MRS2: variants seen among roughly 807,000 people sequenced by gnomAD.
The protein encoded by MRS2 is magnesium transporter MRS2 homolog, mitochondrial.
In MRS2, 40 loss-of-function variants were observed where a neutral mutation model predicts 52.6. The ratio of observed to expected loss-of-function variants is 0.76; its 90% CI spans 0.59 to 0.99. The LOEUF is 0.99. Among genes scored for constraint, MRS2 ranks in the 50% least tolerant of loss-of-function variants. The pLI is 0.00. For synonymous variants in MRS2, 193 were observed against 195.9 expected, an observed-to-expected ratio of 0.98 and a Z score of 0.13; for missense variants, 472 against 532.7, an observed-to-expected ratio of 0.89 and a Z score of 1.12.
Position 24,403,315 on chromosome 6 carries a change from G to C in MRS2, c.190+79G>C, listed in dbSNP as rs1025076625. On this transcript the variant is annotated intron_variant, in intron 1 of 10. Transcript: ENST00000378386. ...GACTGCTGCCCCAGCCGTCCGGCGC[G>C]GCGCGCCTGTTGCTCCGCGCCCTCC... is the stretch of plus-strand genomic sequence containing the variant. The C allele has an allele frequency of 2.0e-5, 28 of 1,378,276 alleles. No homozygotes were observed. In the East Asian group the frequency reaches 5.0e-4, roughly 25 times the overall value. 85.4% of individuals were successfully genotyped at this position (1,378,276 alleles called of 1,614,324 possible).
intron 9 of MRS2, 83 bp from the exon 10 acceptor site, chr6:24,422,854 C>CA: frequency 2.2e-6 from 2 of 928,618 alleles, no homozygotes; most frequent in Non-Finnish European, 3.4e-6. Flanking sequence ...ATAAGGCTTT[C>CA]AAACTCTGGG....
intron 10 of MRS2, 43 bp downstream of exon 10, chr6:24,423,093 G>A (rs1031408657): frequency 2.7e-6 from 4 of 1,498,850 alleles, no homozygotes; most frequent in Middle Eastern, 1.7e-4. Context: ...GAAGGGTTAT[G>A]ATCATGGGCC....
At position 24,422,980 on chromosome 6, in the gene MRS2, G is replaced by A. The variant is rs1270102271; in HGVS notation, c.1151G>A (p.Gly384Glu). The change falls in exon 10 of 11, where the codon GGA becomes GAA. Residue 384 changes from glycine to glutamate, a missense_variant. By Grantham distance (98) the Gly-to-Glu change is moderately conservative. Coordinates refer to ENST00000378386, the MANE Select transcript of MRS2 (RefSeq NM_020662.4). ...FWLITGIMFM[G>E]SGLIWRRLLS... is the part of the protein sequence containing the mutation. ...CTGATTACAGGAATTATGTTCATGG[G>A]AAGTGGCCTCATCTGGAGGCGCCTG... 1.1e-5 allele frequency: 17 copies of A among 1,614,138 alleles called. No individual in the cohort carries two copies. Among genetic ancestry groups the A allele is most frequent in the Non-Finnish European group, 1.4e-5 (17 of 1,180,006 alleles).
intron 5 of MRS2, among the ~76,000 whole-genome samples, chr6:24,413,915 T>TATCAAAC (rs1286088097): frequency 7.2e-5 from 11 of 152,248 alleles, no homozygotes; most frequent in African/African-American, 2.4e-4. Context: ...GAATATCAAA[T>TATCAAAC]ATCAAACCAT....
At chr6:24,418,437 C>A (rs1360661844) in intron 8 of MRS2, 24 bp from the exon 9 acceptor site, 1 of 1,613,276 alleles carries the variant, frequency 6.2e-7, no homozygotes. Context: ...CCCTTCTAAT[C>A]TGAATAGGTG....
At position 24,412,759 on chromosome 6, in the gene MRS2, ACTC is replaced by A. The variant is rs1465280361; in HGVS notation, c.588+370_588+372del. On this transcript the variant is annotated intron_variant, in intron 5 of 10. Coordinates refer to ENST00000378386, the MANE Select transcript of MRS2 (RefSeq NM_020662.4). ...GGAATCACGCACAGTTCTTCCAGTG[ACTC>A]CTCCTTTAAATTAAGAGTCCTTAGA... Among the ~76,000 whole-genome samples the A allele has an allele frequency of 8.6e-5, 13 of 151,840 alleles. No homozygotes were observed. The East Asian group carries it at 1.2e-3, about 14-fold the overall frequency.
intron 9 of MRS2, among the ~76,000 whole-genome samples, chr6:24,422,637 C>T (rs1762085524): frequency 6.6e-6 from 1 of 152,172 alleles, no homozygotes; most frequent in African/African-American, 2.4e-5. Flanking sequence ...AATTGCGTGT[C>T]CTCTGGCATC....
chr6:24,418,464 C>G lies in MRS2; in HGVS notation c.993C>G (p.His331Gln). 1.2e-6 allele frequency: 2 copies of G among 1,613,952 alleles called. No individual in the cohort carries two copies. The highest frequency in any genetic ancestry group is 1.7e-6 in the Non-Finnish European group (2 of 1,180,008). ...GAATAGGTGTTCTCCTCTCCAGCCA[C>G]CGAAACGTGATGATGAGGTTGAATC... ...QSIIFINLDS[H>Q]RNVMMRLNLQ... The change falls in exon 9 of 11, where the codon CAC becomes CAG. Residue 331 changes from histidine (H) to glutamine (Q), a missense_variant. Physicochemically the swap from His to Gln is conservative, Grantham distance 24 (BLOSUM62 0). Transcript: ENST00000378386.
chr6:24,424,834 TATG>T lies in MRS2; in HGVS notation c.*1142_*1144del, dbSNP rs1762173955. 1 of 152,206 alleles carries T rather than the reference TATG, an allele frequency of 6.6e-6. No individual in the cohort carries two copies. Among genetic ancestry groups the T allele is most frequent in the Non-Finnish European group, 1.5e-5 (1 of 68,038 alleles). 9.4% of individuals were successfully genotyped at this position (152,206 alleles called of 1,614,324 possible). A position where few individuals can be genotyped will look rare whatever the true frequency, so the allele number is the denominator to read the frequency against. On this transcript the variant is annotated 3_prime_UTR_variant, in exon 11 of 11. Coordinates refer to ENST00000378386, the MANE Select transcript of MRS2 (RefSeq NM_020662.4). ...ACATGATTAGCCTAATGTGATGTCA[TATG>T]AGGAAGTTTAGGAGTCCATTTTTCA...
At position 24,418,172 on chromosome 6, in the gene MRS2, G is replaced by A. The variant is rs1225327166; in HGVS notation, c.925G>A (p.Ala309Thr). ...YYRLADDLSNAARELRVLIDD... is the reference protein window; with the variant it reads ...YYRLADDLSNTARELRVLIDD... The stretch of plus-strand genomic sequence containing the variant: ...CCGATTGGCTGACGATCTCTCCAAT[G>A]CAGCTCGTGAGCTTAGGGTGCTGAT... The change falls in exon 8 of 11, where the codon GCA becomes ACA. Residue 309 changes from alanine to threonine, a missense_variant. By Grantham distance (58) the Ala-to-Thr change is moderately conservative. Transcript: ENST00000378386. 4 of 1,613,456 alleles carry A rather than the reference G, an allele frequency of 2.5e-6. No individual in the cohort carries two copies. In the African/African-American group the frequency reaches 5.3e-5, roughly 22 times the overall value.
intron 4 of MRS2, among the ~76,000 whole-genome samples, chr6:24,410,326 C>T (rs1761609381): frequency 6.6e-6 from 1 of 152,042 alleles, no homozygotes; most frequent in Admixed American, 6.6e-5. Context: ...ATTGTATTTT[C>T]CCTTACCTAT....
intron 2 of MRS2, 49 bp downstream of exon 2, chr6:24,405,290 C>G: frequency 7.5e-7 from 1 of 1,332,374 alleles, no homozygotes; most frequent in Non-Finnish European, 1.1e-6. Flanking sequence ...GCTTCCCATA[C>G]ATAAGTTAAC....
At chr6:24,409,726 GAGT>G (rs1390405654) in intron 4 of MRS2, among the ~76,000 whole-genome samples, 153 bp downstream of exon 4, 9 of 152,262 alleles carry the variant, frequency 5.9e-5, no homozygotes, top group African/African-American at 1.7e-4. Flanking sequence ...ATGCTATTAT[GAGT>G]AGAACTCATT....
At position 24,416,406 on chromosome 6, in the gene MRS2, G is replaced by A. The variant is rs1230605217; in HGVS notation, c.729G>A (p.Glu243=). 2.1e-6 allele frequency: 3 copies of A among 1,403,294 alleles called. No individual in the cohort carries two copies. The allele number at this position is 1,403,294 out of a possible 1,614,324, so 86.9% of individuals were successfully genotyped here. ...ILLQNGKSLS[E]LETDIKIFKE... The stretch of plus-strand genomic sequence containing the variant: ...TATCTATTTCTTATAGTCTATCAGA[G>A]TTAGAAACAGATATTAAAATTTTCA... The change falls in exon 7 of 11, where the codon GAG becomes GAA. Residue 243 remains glutamate, a synonymous_variant. Coordinates refer to ENST00000378386, the MANE Select transcript of MRS2 (RefSeq NM_020662.4).
At chr6:24,404,135 C>G (rs1467244112) in intron 1 of MRS2, among the ~76,000 whole-genome samples, 1 of 152,210 alleles carries the variant, frequency 6.6e-6, no homozygotes, top group Non-Finnish European at 1.5e-5. Flanking sequence ...CCCAAAGTAA[C>G]TCCTCGTCAG....
intron 9 of MRS2, chr6:24,419,004 G>A (rs1305271882): frequency 6.3e-6 from 1 of 158,890 alleles, no homozygotes; most frequent in East Asian, 1.8e-4. Context: ...TTGGGAGGCT[G>A]AGGCAGGTAG....
At chr6:24,406,104 CAA>C (rs35874058) in intron 2 of MRS2, among the ~76,000 whole-genome samples, 55 of 103,136 alleles carry the variant, frequency 5.3e-4, no homozygotes, top group African/African-American at 1.4e-3. Context: ...GACTCCATCT[CAA>C]AAAAAAAAAA....
chr6:24,421,808 A>G (rs1241152274), intron 9 of MRS2, among the ~76,000 whole-genome samples: 2 of 152,220 alleles, frequency 1.3e-5, no homozygotes, highest in African/African-American at 4.8e-5. Flanking sequence ...AGATTTTGCC[A>G]CTTATCTCAG....
At chr6:24,408,316 C>A (rs116140234) in intron 2 of MRS2, 92 bp from the exon 3 acceptor site, 8,407 of 819,014 alleles carry the variant, frequency 0.01, 217 homozygotes, top group African/African-American at 0.074. Context: ...ATATTACTTA[C>A]AATACCATAA....
Sources: allele counts gnomAD v4.1 joint callset (sites outside exome capture counted in the v4.1 genomes callset), GRCh38; gene constraint gnomAD v4.1.1; transcripts MANE v1.5; gene names NCBI Gene and HGNC (gene_info 2026-07-23, HGNC 2026-07-21).